The following ZNF585B variants were observed in gnomAD, a reference collection of about 807,000 sequenced individuals.
ZNF585B encodes the protein zinc finger protein 585B.
ZNF585B carries 7 observed loss-of-function variants against 14.0 expected under a neutral mutation model. That is an observed-to-expected ratio of 0.50 (90% confidence interval 0.28 to 0.94). ZNF585B has a LOEUF of 0.94. ZNF585B is among the 40% of genes least tolerant of loss of function. The probability of loss-of-function intolerance (pLI) is 0.09; values close to 1 mark genes in which losing one functional copy is unlikely to be tolerated. For synonymous variants in ZNF585B, 290 were observed against 317.3 expected, an observed-to-expected ratio of 0.91 and a Z score of 0.91; for missense variants, 750 against 924.4, an observed-to-expected ratio of 0.81 and a Z score of 2.45.
chr19:37,187,526 T>G (rs1796884734), intron 4 of ZNF585B, among the ~76,000 whole-genome samples: 2 of 152,244 alleles, frequency 1.3e-5, no homozygotes, highest in Admixed American at 1.3e-4. Flanking sequence ...TCTTTTCTGA[T>G]AATATTCTAT....
intron 2 of ZNF585B, chr19:37,195,797 CG>C (rs1972459544): frequency 6.6e-6 from 1 of 151,388 alleles, no homozygotes; most frequent in African/African-American, 2.4e-5. Context: ...GAAGCTGAGG[CG>C]GGCAGATCAC....
chr19:37,185,061 C>T lies in ZNF585B; in HGVS notation c.*166G>A. ...GATGGTGACAATGTAGGAAGGGTCCCTCGCCTCATTCAGTGCCTTCTCAGA... is the reference window on the plus strand; with the variant it reads ...GATGGTGACAATGTAGGAAGGGTCCTTCGCCTCATTCAGTGCCTTCTCAGA... On this transcript the variant is annotated 3_prime_UTR_variant, in exon 5 of 5. Transcript: ENST00000532828. 1 of 681,498 alleles carries T rather than the reference C, an allele frequency of 1.5e-6. No homozygotes were observed. Among genetic ancestry groups the T allele is most frequent in the Non-Finnish European group, 2.4e-6 (1 of 412,082 alleles). 42.2% of individuals were successfully genotyped at this position (681,498 alleles called of 1,614,324 possible). A position where few individuals can be genotyped will look rare whatever the true frequency, so the allele number is the denominator to read the frequency against.
chr19:37,198,550 A>G (rs1376620123), intron 2 of ZNF585B, among the ~76,000 whole-genome samples: 8 of 150,954 alleles, frequency 5.3e-5, no homozygotes, highest in Non-Finnish European at 1.2e-4. Context: ...AGCCTGACCA[A>G]TGTGGAGAAA....
rs1972323635 is a variant in ZNF585B at position 37,185,570 on chromosome 19, T to C, written c.1967A>G (p.His656Arg). ...ACAAATGTAGGGCTTTTCTCCGGTA[T>C]GAGTTTTCTGGTGCTTACTGAGATT... ...RSNLSKHQKT[H>R]TGEKPYICSE... is the part of the protein sequence containing the mutation. Residue 656 changes from histidine (H) to arginine (R), a missense_variant, in exon 5 of 5, where the codon CAT (histidine) becomes CGT (arginine). This residue lies in a region of ZNF585B where 233 missense variants were observed against 354.1 expected (regional missense o/e 0.66). Transcript: ENST00000532828. 6.2e-7 allele frequency: 1 copy of C among 1,612,938 alleles called. No homozygotes were observed. Among genetic ancestry groups the C allele is most frequent in the African/African-American group, 1.3e-5 (1 of 74,922 alleles).
intron 1 of ZNF585B, among the ~76,000 whole-genome samples, chr19:37,209,230 G>A (rs747914687): frequency 6.6e-6 from 1 of 151,926 alleles, no homozygotes; most frequent in Non-Finnish European, 1.5e-5. Context: ...TCAGCCTCCC[G>A]AGTAGTTGGG....
chr19:37,204,533 A>G (rs1777079170), intron 2 of ZNF585B, among the ~76,000 whole-genome samples: 1 of 152,218 alleles, frequency 6.6e-6, no homozygotes, highest in Non-Finnish European at 1.5e-5. Flanking sequence ...TTCAAACCAC[A>G]AAAGTGAATA....
Position 37,187,262 on chromosome 19 carries a change from C to A in ZNF585B, c.293-18G>T, listed in dbSNP as rs752105451. On this transcript the variant is annotated intron_variant, in intron 4 of 4. Coordinates refer to ENST00000532828, the MANE Select transcript of ZNF585B (RefSeq NM_152279.4). ...TTTCTCTCCTGTTGGAGTACATTCA[C>A]AGTAAGTATAGAAAGACATTTTACC... The A allele has an allele frequency of 6.5e-7, 1 of 1,546,780 alleles. No homozygotes were observed. Among genetic ancestry groups the A allele is most frequent in the Non-Finnish European group, 8.8e-7 (1 of 1,137,382 alleles).
rs1568504933 is a variant in ZNF585B, at chr19:37,184,443, G to GAAGGAAA, written c.*783_*784insTTTCCTT. 1 of 58,860 alleles carries GAAGGAAA rather than the reference G, an allele frequency of 1.7e-5. No homozygotes were observed. Among genetic ancestry groups the GAAGGAAA allele is most frequent in the Non-Finnish European group, 3.2e-5 (1 of 30,790 alleles). 3.6% of individuals were successfully genotyped at this position (58,860 alleles called of 1,614,324 possible). On this transcript the variant is annotated 3_prime_UTR_variant, in exon 5 of 5. Transcript: ENST00000532828. ...GAAAGAAAGAAAAAGAAAGAAAGAAGGAAAGAAAGAAAGAAAGAAAGAAAG... is the reference window on the plus strand; with the variant it reads ...GAAAGAAAGAAAAAGAAAGAAAGAAGAAGGAAAGAAAGAAAGAAAGAAAGAAAGAAAG...
At chr19:37,197,793 T>C (rs865843684) in intron 2 of ZNF585B, among the ~76,000 whole-genome samples, 1 of 152,224 alleles carries the variant, frequency 6.6e-6, no homozygotes, top group African/African-American at 2.4e-5. Flanking sequence ...TTGAGAAGTA[T>C]CTGTTTGCCA....
In ZNF585B at chr19:37,186,508, T is replaced by A; in HGVS notation, c.1029A>T (p.Thr343=). Residue 343 remains threonine (T), a synonymous_variant, in exon 5 of 5, where the codon ACA becomes ACT. Transcript: ENST00000532828. ...TCTCTCTACTTTGAATCTTCTCATG[T>A]GTAATGAGGTTGGAATTATTGCTGA... ...KVFSNNSNLI[T]HEKIQSREKS... is the part of the protein sequence containing the mutation. The A allele has an allele frequency of 6.2e-7, 1 of 1,614,204 alleles. No individual in the cohort carries two copies. The highest frequency in any genetic ancestry group is 8.5e-7 in the Non-Finnish European group (1 of 1,180,036).
Position 37,207,036 on chromosome 19 carries a change from T to G in ZNF585B, c.72+4A>C. 6.2e-7 allele frequency: 1 copy of G among 1,613,182 alleles called. No homozygotes were observed. Among genetic ancestry groups the G allele is most frequent in the African/African-American group, 1.3e-5 (1 of 75,046 alleles). ...TTCCACCCCTTGGGACTCCTCCTCC[T>G]CACCTCATAGGAGCTGCCATGATCC... On this transcript the variant is annotated splice_donor_region_variant and intron_variant, in intron 2 of 4. Coordinates refer to ENST00000532828, the MANE Select transcript of ZNF585B (RefSeq NM_152279.4).
chr19:37,207,064 T>C lies in ZNF585B; in HGVS notation c.48A>G (p.Pro16=), dbSNP rs765941237. Residue 16 remains proline, a synonymous_variant, in exon 2 of 5, where the codon CCA becomes CCG. Coordinates refer to ENST00000532828, the MANE Select transcript of ZNF585B (RefSeq NM_152279.4). ...TSPQKSSALA[P]EDHGSSYEGS... is the part of the protein sequence containing the mutation. ...CCTCATAGGAGCTGCCATGATCCTC[T>C]GGAGCCAGGGCTGAGGATTTCTGGG... 1.7e-5 allele frequency: 28 copies of C among 1,614,010 alleles called. No individual in the cohort carries two copies. In the South Asian group the frequency reaches 2.4e-4, roughly 14 times the overall value.
intron 4 of ZNF585B, among the ~76,000 whole-genome samples, chr19:37,188,949 T>G (rs1378738883): frequency 1.3e-5 from 2 of 151,598 alleles, no homozygotes; most frequent in Admixed American, 1.3e-4. Flanking sequence ...TTTTTTTTTT[T>G]CTTTTTCAGA....
intron 2 of ZNF585B, among the ~76,000 whole-genome samples, chr19:37,200,979 TA>T (rs1407811910): frequency 9.9e-5 from 15 of 150,972 alleles, no homozygotes; most frequent in Admixed American, 8.6e-4. Context: ...TAATCCCAGC[TA>T]CTCCAGAGGC....
intron 2 of ZNF585B, among the ~76,000 whole-genome samples, chr19:37,194,959 G>C (rs755113270): frequency 6.6e-6 from 1 of 152,040 alleles, no homozygotes; most frequent in African/African-American, 2.4e-5. Flanking sequence ...AAAAACAAAA[G>C]CTTTCTGGAA....
rs899092497 is a variant in ZNF585B at position 37,183,358 on chromosome 19, C to T, written c.*1869G>A. 6.6e-6 allele frequency: 1 copy of T among 152,184 alleles called. No individual in the cohort carries two copies. Among genetic ancestry groups the T allele is most frequent in the African/African-American group, 2.4e-5 (1 of 41,428 alleles). The allele number at this position is 152,184 out of a possible 1,614,324, so 9.4% of individuals were successfully genotyped here. ...AGAAAAAAATCAGACAGAAGTCACGCAACAAGCATGGGTCAACTCTCCACA... is the reference window on the plus strand; with the variant it reads ...AGAAAAAAATCAGACAGAAGTCACGTAACAAGCATGGGTCAACTCTCCACA... On this transcript the variant is annotated 3_prime_UTR_variant, in exon 5 of 5. Transcript: ENST00000532828.
At chr19:37,192,113 ATT>A (rs1239121400) in intron 2 of ZNF585B, among the ~76,000 whole-genome samples, 1 of 152,170 alleles carries the variant, frequency 6.6e-6, no homozygotes, top group Non-Finnish European at 1.5e-5. Context: ...TGGCTGATCA[ATT>A]TAGGACCAGT....
intron 4 of ZNF585B, 32 bp from the exon 5 acceptor site, chr19:37,187,276 A>C: frequency 6.7e-7 from 1 of 1,483,744 alleles, no homozygotes; most frequent in Non-Finnish European, 9.2e-7. Context: ...AAGTATAGAA[A>C]GACATTTTAC....
intron 2 of ZNF585B, chr19:37,198,975 A>G: frequency 6.6e-7 from 1 of 1,525,476 alleles, no homozygotes; most frequent in Non-Finnish European, 8.8e-7. Context: ...TTCAGAGATT[A>G]CAGTTTGTCT....
Sources: gnomAD v4.1 joint callset for allele counts (sites outside exome capture counted in the v4.1 genomes callset) on GRCh38, gnomAD v4.1.1 for gene constraint, gnomAD v4.1.1 regional missense constraint, MANE v1.5 for transcripts, NCBI Gene and HGNC (gene_info 2026-07-23, HGNC 2026-07-21) for gene names.